The following FBN3 variants were observed in gnomAD, a reference collection of about 807,000 sequenced individuals.
FBN3 encodes the protein fibrillin-3.
Under a neutral mutation model 330.1 loss-of-function variants are expected in FBN3, and 234 were observed. That is an observed-to-expected ratio of 0.71 (90% CI 0.64 to 0.79). The LOEUF is 0.79. FBN3 is among the 30% of genes least tolerant of loss of function. The pLI is 0.00. For synonymous variants in FBN3, 1,458 were observed against 1,517.3 expected, an observed-to-expected ratio of 0.96 and a Z score of 0.91; for missense variants, 3,606 against 3,886.9, an observed-to-expected ratio of 0.93 and a Z score of 1.92.
In FBN3 at chr19:8,109,198, C is replaced by T. The variant is rs527313316; in HGVS notation, c.4618+29G>A. 73 of 1,606,310 alleles carry T rather than the reference C, an allele frequency of 4.5e-5. 1 individual carries two copies. The South Asian group carries it at 5.3e-4, about 12-fold the overall frequency. On this transcript the variant is annotated intron_variant, in intron 36 of 63. Coordinates refer to ENST00000600128, the MANE Select transcript of FBN3 (RefSeq NM_032447.5). This position sits in a 1 kb window ranked among gnomAD's most constrained non-coding sequence, Gnocchi z 5.2. Reference sequence around the variant, plus strand: ...TCCCGGGCCTCGGTGGCTTAGGTCACGGTGTTCAACTGCCCCGCAGGGACT... The same window carrying T: ...TCCCGGGCCTCGGTGGCTTAGGTCATGGTGTTCAACTGCCCCGCAGGGACT...
At chr19:8,102,024 TG>T (rs2082337763) in intron 40 of FBN3, among the ~76,000 whole-genome samples, 1 of 152,070 alleles carries the variant, frequency 6.6e-6, no homozygotes, top group Non-Finnish European at 1.5e-5. Flanking sequence ...GTCTTTCCCA[TG>T]CTATTCTCGT....
chr19:8,111,832 G>A (rs1001132687), intron 31 of FBN3, 62 bp from the exon 32 acceptor site: 4 of 1,585,838 alleles, frequency 2.5e-6, no homozygotes, highest in Admixed American at 3.4e-5. Flanking sequence ...GGCGCAGAAG[G>A]GAGAAAGACC....
In FBN3 at chr19:8,146,191, G is replaced by A; in HGVS notation, c.285C>T (p.Cys95=). ...CACAGGTGCACAGGTTGGGCTGGGA[G>A]CAGAAGCCTTCACCGCAGGCGCGCC... ...ICRRACGEGF[C]SQPNLCTCAD... The change falls in exon 4 of 64, where the codon TGC becomes TGT. Residue 95 remains cysteine (C), a synonymous_variant. Coordinates refer to ENST00000600128, the MANE Select transcript of FBN3 (RefSeq NM_032447.5). The A allele has an allele frequency of 6.2e-7, 1 of 1,601,790 alleles. No individual in the cohort carries two copies. Among genetic ancestry groups the A allele is most frequent in the Admixed American group, 1.7e-5 (1 of 57,702 alleles).
At chr19:8,102,212 T>A (rs1320724985) in intron 40 of FBN3, among the ~76,000 whole-genome samples, 1 of 137,876 alleles carries the variant, frequency 7.3e-6, no homozygotes, top group Admixed American at 7.5e-5. Context: ...TCCTTTTTTT[T>A]TATTTTTTTA....
Position 8,106,098 on chromosome 19 carries a change from C to A in FBN3, c.4813+10G>T, listed in dbSNP as rs367918155. ...GAGCCTGACCCACCCCAAAGAGAAT[C>A]CATGCTCACCCTCACAGATGCGGGT... On this transcript the variant is annotated intron_variant, in intron 38 of 63. Coordinates refer to ENST00000600128, the MANE Select transcript of FBN3 (RefSeq NM_032447.5). 5.0e-6 allele frequency: 8 copies of A among 1,613,830 alleles called. No homozygotes were observed. Among genetic ancestry groups the A allele is most frequent in the Non-Finnish European group, 5.9e-6 (7 of 1,179,908 alleles).
intron 46 of FBN3, 63 bp downstream of exon 46, chr19:8,095,312 A>G: frequency 6.5e-7 from 1 of 1,536,732 alleles, no homozygotes; most frequent in South Asian, 1.2e-5. Flanking sequence ...AGAAGTACCA[A>G]ACTGTGGTGT....
At position 8,075,191 on chromosome 19, in the gene FBN3, C is replaced by A; in HGVS notation, c.7583-1G>T. 6.4e-7 allele frequency: 1 copy of A among 1,569,502 alleles called. No homozygotes were observed. The highest frequency in any genetic ancestry group is 8.7e-7 in the Non-Finnish European group (1 of 1,154,176). On this transcript the variant is annotated splice_acceptor_variant, in intron 60 of 63. Coordinates refer to ENST00000600128, the MANE Select transcript of FBN3 (RefSeq NM_032447.5). LOFTEE classifies it high-confidence loss of function. The stretch of plus-strand genomic sequence containing the variant: ...TGGGGCCCATCACATTCATTCACAT[C>A]TGAGACATAGAGAGAGGGAGAGAGG...
At chr19:8,066,578 G>A (rs2081395599) in intron 63 of FBN3, among the ~76,000 whole-genome samples, 1 of 152,092 alleles carries the variant, frequency 6.6e-6, no homozygotes. Context: ...AGGGAGAGAG[G>A]GAGGGAGACA....
At chr19:8,104,011 G>A (rs1254420814) in intron 38 of FBN3, among the ~76,000 whole-genome samples, 1 of 151,880 alleles carries the variant, frequency 6.6e-6, no homozygotes, top group Non-Finnish European at 1.5e-5. Context: ...GGTGGTGCAT[G>A]CCTGCAGTCC....
intron 25 of FBN3, among the ~76,000 whole-genome samples, chr19:8,119,671 G>A (rs1338822357): frequency 6.6e-6 from 1 of 151,664 alleles, no homozygotes; most frequent in African/African-American, 2.4e-5. Flanking sequence ...GCATCACCAA[G>A]CCCAGCTAAT....
At chr19:8,113,818 G>A (rs372176775) in intron 30 of FBN3, among the ~76,000 whole-genome samples, 55 of 125,474 alleles carry the variant, frequency 4.4e-4, no homozygotes, top group African/African-American at 1.6e-3. Context: ...CAACCCGGGC[G>A]ACATAGTAAA....
In FBN3 at chr19:8,119,002, C is replaced by A. The variant is rs374923825; in HGVS notation, c.3232G>T (p.Asp1078Tyr). Residue 1078 changes from aspartate (D) to tyrosine (Y), a missense_variant, in exon 26 of 64, where the codon GAC (aspartate) becomes TAC (tyrosine). Physicochemically the swap from Asp to Tyr is radical, Grantham distance 160. Transcript: ENST00000600128. ...NCMDVDECARDPLLCRGGTCT... is the reference protein window; with the variant it reads ...NCMDVDECARYPLLCRGGTCT... The stretch of plus-strand genomic sequence containing the variant: ...GTGCCTCCCCGGCAGAGCAGCGGGT[C>A]CCTTGCACACTCGTCCACGTCTGAA... 31 of 1,605,032 alleles carry A rather than the reference C, an allele frequency of 1.9e-5. No homozygotes were observed. Among genetic ancestry groups the A allele is most frequent in the Non-Finnish European group, 2.6e-5 (30 of 1,172,896 alleles).
intron 41 of FBN3, among the ~76,000 whole-genome samples, chr19:8,099,492 G>A (rs1044002717): frequency 2.6e-5 from 4 of 151,432 alleles, no homozygotes; most frequent in Admixed American, 2.6e-4. Context: ...TTGTTAGCCA[G>A]GATGGTCTCG....
At chr19:8,111,906 T>A in intron 31 of FBN3, 71 bp downstream of exon 31, 1 of 460,316 alleles carries the variant, frequency 2.2e-6, no homozygotes, top group Non-Finnish European at 2.8e-6. Context: ...TCCCACTGCC[T>A]TGCCCCCCAC....
In FBN3 at chr19:8,111,682, G is replaced by C. The variant is rs753400911; in HGVS notation, c.4050C>G (p.Arg1350=). ...AGAAGCCATCCCCGGCAAAGCCCTG[G>C]CGGCAGGTGCAGCGGTAGGAGCCAG... ...NVPGSYRCTC[R]QGFAGDGFFC... is the part of the protein sequence containing the mutation. The change falls in exon 32 of 64, where the codon CGC becomes CGG. Residue 1350 remains arginine (R), a synonymous_variant. Coordinates refer to ENST00000600128, the MANE Select transcript of FBN3 (RefSeq NM_032447.5). 4.3e-6 allele frequency: 7 copies of C among 1,611,550 alleles called. No individual in the cohort carries two copies. The highest frequency in any genetic ancestry group is 2.2e-5 in the South Asian group (2 of 90,988).
At chr19:8,117,376 G>A in intron 27 of FBN3, 85 bp from the exon 28 acceptor site, 1 of 1,543,050 alleles carries the variant, frequency 6.5e-7, no homozygotes, top group Non-Finnish European at 8.7e-7. Context: ...TGGGAGCAGA[G>A]TGGAGTTGAG....
In FBN3 at chr19:8,081,424, T is replaced by A; in HGVS notation, c.7270A>T (p.Lys2424Ter). 4 of 1,612,722 alleles carry A rather than the reference T, an allele frequency of 2.5e-6. No homozygotes were observed. Among genetic ancestry groups the A allele is most frequent in the Non-Finnish European group, 2.5e-6 (3 of 1,179,372 alleles). ...KPCTFLCKNTKGSFLCSCPRG... is the reference protein window; with the variant it reads ...KPCTFLCKNT ...GGACAGCTGCACAGGAAACTGCCCT[T>A]CGTGTTTTTGCAGAGGAAGGTACAT... The change falls in exon 58 of 64, where the codon AAG becomes TAG. Residue 2424 changes from lysine (K) to a stop codon, truncating the protein, a stop_gained. Coordinates refer to ENST00000600128, the MANE Select transcript of FBN3 (RefSeq NM_032447.5). LOFTEE classifies it high-confidence loss of function.
chr19:8,075,214 AG>A, intron 60 of FBN3, 24 bp from the exon 61 acceptor site: 1 of 1,570,144 alleles, frequency 6.4e-7, no homozygotes, highest in East Asian at 2.3e-5. Flanking sequence ...AGAGGGAGAG[AG>A]GGTTTACCAG....
At chr19:8,090,883 T>C (rs1409311587) in intron 48 of FBN3, among the ~76,000 whole-genome samples, 1 of 152,152 alleles carries the variant, frequency 6.6e-6, no homozygotes, top group Admixed American at 6.5e-5. Flanking sequence ...TGGTTACTCT[T>C]GGATCAAAAA....
Sources: allele counts gnomAD v4.1 joint callset (sites outside exome capture counted in the v4.1 genomes callset), GRCh38; gene constraint gnomAD v4.1.1; non-coding constraint Gnocchi (gnomAD v3.1); transcripts MANE v1.5; gene names NCBI Gene and HGNC (gene_info 2026-07-23, HGNC 2026-07-21).